HEMK2: variants seen among roughly 807,000 people sequenced by gnomAD.
HEMK2 encodes methyltransferase HEMK2.
chr21:28,879,917 C>A, the HEMK2 span: 1 of 1,600,258 alleles, frequency 6.2e-7, no homozygotes, highest in Non-Finnish European at 8.5e-7. Flanking sequence ...ACCAGAAGAT[C>A]AACTTTTTCG....
chr21:28,835,906 G>A, the HEMK2 span, among the ~76,000 whole-genome samples: 1 of 151,746 alleles, frequency 6.6e-6, no homozygotes, highest in South Asian at 2.1e-4. Flanking sequence ...TCAATGACAT[G>A]GTCGTCAAAT....
the HEMK2 span, among the ~76,000 whole-genome samples, chr21:28,843,320 A>C: frequency 6.6e-6 from 1 of 152,120 alleles, no homozygotes; most frequent in East Asian, 1.9e-4. Flanking sequence ...GCAAAGGCGA[A>C]GGGGAAGAAA....
the HEMK2 span, among the ~76,000 whole-genome samples, chr21:28,820,926 A>C: frequency 6.6e-6 from 1 of 152,224 alleles, no homozygotes; most frequent in African/African-American, 2.4e-5. Flanking sequence ...CGACACGTAC[A>C]TCAAGGGCTG....
the HEMK2 span, among the ~76,000 whole-genome samples, chr21:28,798,429 G>A: frequency 6.6e-6 from 1 of 152,094 alleles, no homozygotes; most frequent in African/African-American, 2.4e-5. Context: ...GAGTTTCTGT[G>A]AGAATAAAAT....
At chr21:28,823,447 G>A in the HEMK2 span, among the ~76,000 whole-genome samples, 1 of 152,154 alleles carries the variant, frequency 6.6e-6, no homozygotes, top group African/African-American at 2.4e-5. Context: ...ATCACAGTGT[G>A]CTCTGCTAAT....
the HEMK2 span, among the ~76,000 whole-genome samples, chr21:28,816,383 T>C: frequency 6.6e-6 from 1 of 152,162 alleles, no homozygotes; most frequent in African/African-American, 2.4e-5. Context: ...TTTTAAAAGT[T>C]ATCCAGCTGG....
chr21:28,639,670 A>G, the HEMK2 span, among the ~76,000 whole-genome samples: 1 of 152,232 alleles, frequency 6.6e-6, no homozygotes, highest in Non-Finnish European at 1.5e-5. Context: ...TATCATCTAT[A>G]TGACTAGTAT....
the HEMK2 span, among the ~76,000 whole-genome samples, chr21:28,624,062 C>T: frequency 6.6e-6 from 1 of 152,074 alleles, no homozygotes; most frequent in Non-Finnish European, 1.5e-5. Flanking sequence ...AACTAGAAGG[C>T]TGTAAAACTG....
chr21:28,710,834 T>A, the HEMK2 span, among the ~76,000 whole-genome samples: 6 of 152,312 alleles, frequency 3.9e-5, no homozygotes, highest in South Asian at 1.2e-3. Context: ...AGAAAACACA[T>A]TCCTAAATGA....
the HEMK2 span, among the ~76,000 whole-genome samples, chr21:28,720,553 C>T: frequency 1.3e-5 from 2 of 151,976 alleles, no homozygotes; most frequent in Non-Finnish European, 2.9e-5. Flanking sequence ...GCCAACATAG[C>T]AAAACCCCGT....
the HEMK2 span, among the ~76,000 whole-genome samples, chr21:28,720,479 T>A: frequency 6.6e-6 from 1 of 152,142 alleles, no homozygotes; most frequent in African/African-American, 2.4e-5. Context: ...ATGCCTGTTA[T>A]TCTAGCACTT....
the HEMK2 span, among the ~76,000 whole-genome samples, chr21:28,746,815 G>A: frequency 3.9e-5 from 6 of 152,160 alleles, no homozygotes; most frequent in Non-Finnish European, 7.3e-5. Flanking sequence ...GAGAAGGGAA[G>A]GGAGAGGGTG....
the HEMK2 span, among the ~76,000 whole-genome samples, chr21:28,617,221 C>A: frequency 6.6e-6 from 1 of 152,100 alleles, no homozygotes; most frequent in African/African-American, 2.4e-5. Flanking sequence ...AGAGGCACAG[C>A]CAATGCCAAG....
At chr21:28,753,493 C>T in the HEMK2 span, among the ~76,000 whole-genome samples, 3 of 152,166 alleles carry the variant, frequency 2.0e-5, no homozygotes, top group Non-Finnish European at 2.9e-5. Flanking sequence ...GAGTTCACCC[C>T]TAACTCCCAG....
chr21:28,644,512 T>G, the HEMK2 span, among the ~76,000 whole-genome samples: 1 of 152,154 alleles, frequency 6.6e-6, no homozygotes, highest in Non-Finnish European at 1.5e-5. Context: ...TGGAAATTAG[T>G]CTGGTAAACA....
the HEMK2 span, among the ~76,000 whole-genome samples, chr21:28,622,509 C>T: frequency 1.3e-5 from 2 of 152,070 alleles, no homozygotes; most frequent in East Asian, 3.9e-4. Flanking sequence ...CAAAAAAGAG[C>T]CCATATAGCC....
the HEMK2 span, among the ~76,000 whole-genome samples, chr21:28,832,800 A>T: frequency 6.6e-6 from 1 of 152,208 alleles, no homozygotes; most frequent in East Asian, 1.9e-4. Flanking sequence ...GTGTATTGAT[A>T]CGTATGTTCA....
At chr21:28,805,168 A>G in the HEMK2 span, among the ~76,000 whole-genome samples, 1 of 152,184 alleles carries the variant, frequency 6.6e-6, no homozygotes, top group Admixed American at 6.6e-5. Context: ...TGGATATTCA[A>G]TCTCAAGTAG....
the HEMK2 span, among the ~76,000 whole-genome samples, chr21:28,822,873 ATTCG>A: frequency 2.0e-5 from 3 of 148,678 alleles, no homozygotes; most frequent in African/African-American, 7.8e-5. Flanking sequence ...CCATTACTCC[ATTCG>A]ATTTCCATTC....
Sources: gnomAD v4.1 joint callset for allele counts (sites outside exome capture counted in the v4.1 genomes callset) on GRCh38, gnomAD v4.1.1 for gene constraint, MANE v1.5 for transcripts, NCBI Gene and HGNC (gene_info 2026-07-23, HGNC 2026-07-21) for gene names.